Variants in ATXN1 observed in about 807,000 individuals in gnomAD.
The protein encoded by ATXN1 is ataxin-1.
A neutral mutation model predicts 56.4 loss-of-function variants in ATXN1; 8 were observed. The observed-to-expected ratio is 0.14, with a 90% CI of 0.08 to 0.26. ATXN1 has a LOEUF of 0.26. Among genes scored for constraint, ATXN1 ranks in the 10% least tolerant of loss-of-function variants. The pLI is 1.00. For synonymous variants in ATXN1, 514 were observed against 494.6 expected, an observed-to-expected ratio of 1.04 and a Z score of -0.52; for missense variants, 987 against 1,106.5, an observed-to-expected ratio of 0.89 and a Z score of 1.53.
intron 6 of ATXN1, among the ~76,000 whole-genome samples, chr6:16,469,036 CT>C (rs1229717958): frequency 1.3e-5 from 2 of 152,320 alleles, no homozygotes; most frequent in East Asian, 3.9e-4. Context: ...TGCAACAGAG[CT>C]GGCCCTTGGC....
intron 2 of ATXN1, among the ~76,000 whole-genome samples, chr6:16,732,454 C>A (rs1319176955): frequency 2.0e-5 from 3 of 152,088 alleles, no homozygotes; most frequent in Admixed American, 6.6e-5. Context: ...GCCTGTAATT[C>A]CAGCTACTTT....
chr6:16,553,303 G>A (rs1344387628), intron 4 of ATXN1, among the ~76,000 whole-genome samples: 6 of 152,086 alleles, frequency 3.9e-5, no homozygotes, highest in South Asian at 2.1e-4. Flanking sequence ...CTTTCATGGC[G>A]TTATTTCACC....
chr6:16,350,690 G>T (rs1209289098), intron 6 of ATXN1, among the ~76,000 whole-genome samples: 2 of 152,212 alleles, frequency 1.3e-5, no homozygotes, highest in Non-Finnish European at 2.9e-5. Context: ...CCTGGGAAAT[G>T]ATCTATGTGA....
chr6:16,437,083 G>T (rs763746757), intron 6 of ATXN1, among the ~76,000 whole-genome samples: 1 of 152,216 alleles, frequency 6.6e-6, no homozygotes, highest in Admixed American at 6.5e-5. Flanking sequence ...CCCACTGAAG[G>T]CAGTTAAGAG....
chr6:16,491,135 T>C (rs1460299958), intron 5 of ATXN1, among the ~76,000 whole-genome samples: 2 of 115,192 alleles, frequency 1.7e-5, no homozygotes, highest in East Asian at 6.0e-4. Flanking sequence ...TCTTGCTCCA[T>C]CACCCAGACA....
chr6:16,377,416 T>C (rs9477096), intron 6 of ATXN1, among the ~76,000 whole-genome samples: 7,317 of 152,200 alleles, frequency 0.048, 557 homozygotes, highest in African/African-American at 0.17. Context: ...GTGAAGAATG[T>C]ACAGAGTTTG....
chr6:16,348,355 G>T (rs541766895), intron 6 of ATXN1, among the ~76,000 whole-genome samples: 5 of 152,140 alleles, frequency 3.3e-5, no homozygotes, highest in Admixed American at 6.5e-5. Flanking sequence ...ATGAGCCACA[G>T]CACCGGGCCC....
chr6:16,397,141 A>G (rs1331163537), intron 6 of ATXN1, among the ~76,000 whole-genome samples: 1 of 152,228 alleles, frequency 6.6e-6, no homozygotes, highest in Admixed American at 6.5e-5. Flanking sequence ...ATGGTTGGTA[A>G]TGTCACATTG....
At chr6:16,364,839 G>A (rs1410171258) in intron 6 of ATXN1, among the ~76,000 whole-genome samples, 1 of 152,212 alleles carries the variant, frequency 6.6e-6, no homozygotes, top group African/African-American at 2.4e-5. Context: ...CATCATGGTG[G>A]TGGGATATGA....
At chr6:16,490,096 C>G (rs1380283522) in intron 5 of ATXN1, among the ~76,000 whole-genome samples, 1 of 136,496 alleles carries the variant, frequency 7.3e-6, no homozygotes, top group Non-Finnish European at 1.6e-5. Flanking sequence ...ACATTGAAAG[C>G]AATGATACCT....
At chr6:16,332,365 A>G (rs1761012766) in intron 6 of ATXN1, among the ~76,000 whole-genome samples, 1 of 152,232 alleles carries the variant, frequency 6.6e-6, no homozygotes. Context: ...GAAGTAACTT[A>G]TGAAGGTGGA....
chr6:16,525,421 CA>C (rs1361670708), intron 4 of ATXN1, among the ~76,000 whole-genome samples: 1 of 151,978 alleles, frequency 6.6e-6, no homozygotes, highest in Non-Finnish European at 1.5e-5. Flanking sequence ...AAGCCAGGCA[CA>C]GAAAGACAAA....
At chr6:16,579,566 CAG>C (rs1262759323) in intron 4 of ATXN1, among the ~76,000 whole-genome samples, 1 of 146,094 alleles carries the variant, frequency 6.8e-6, no homozygotes, top group Non-Finnish European at 1.5e-5. Flanking sequence ...CAGACACACT[CAG>C]AGTATCACAT....
chr6:16,573,765 T>A (rs567327676), intron 4 of ATXN1, among the ~76,000 whole-genome samples: 1 of 152,140 alleles, frequency 6.6e-6, no homozygotes, highest in African/African-American at 2.4e-5. Context: ...TGTCCCTTCC[T>A]CATGCTTTTG....
intron 6 of ATXN1, among the ~76,000 whole-genome samples, chr6:16,394,838 G>A (rs902908235): frequency 3.3e-5 from 5 of 152,134 alleles, no homozygotes; most frequent in African/African-American, 9.7e-5. Context: ...TTCCACGCTG[G>A]CTTTCCAGGA....
At chr6:16,544,287 G>C (rs1435607471) in intron 4 of ATXN1, among the ~76,000 whole-genome samples, 1 of 152,222 alleles carries the variant, frequency 6.6e-6, no homozygotes, top group Non-Finnish European at 1.5e-5. Flanking sequence ...AGAGCCAGCT[G>C]TCCAGGCCGG....
chr6:16,404,026 T>C (rs1451458025), intron 6 of ATXN1, among the ~76,000 whole-genome samples: 6 of 152,178 alleles, frequency 3.9e-5, no homozygotes. Context: ...GAAAAGTTAC[T>C]GCTTTGTGGG....
intron 4 of ATXN1, among the ~76,000 whole-genome samples, chr6:16,561,339 C>A (rs1272899010): frequency 6.6e-6 from 1 of 152,138 alleles, no homozygotes; most frequent in Non-Finnish European, 1.5e-5. Flanking sequence ...TTTGCAATTA[C>A]AGGAGTTAAT....
intron 6 of ATXN1, among the ~76,000 whole-genome samples, chr6:16,463,671 C>G (rs1760043895): frequency 6.6e-6 from 1 of 152,190 alleles, no homozygotes; most frequent in South Asian, 2.1e-4. Flanking sequence ...ACTAACCACT[C>G]AGGGATAGTA....
Sources: allele counts gnomAD v4.1 joint callset (sites outside exome capture counted in the v4.1 genomes callset), GRCh38; gene constraint gnomAD v4.1.1; transcripts MANE v1.5; gene names NCBI Gene and HGNC (gene_info 2026-07-23, HGNC 2026-07-21).